The following RALGAPA2 variants were observed in gnomAD, a reference collection of about 807,000 sequenced individuals.
The protein encoded by RALGAPA2 is ral GTPase-activating protein subunit alpha-2.
A neutral mutation model predicts 230.4 loss-of-function variants in RALGAPA2; 139 were observed. That is an observed-to-expected ratio of 0.60 (90% CI 0.53 to 0.69). RALGAPA2 has a LOEUF of 0.69. RALGAPA2 is among the 30% of genes least tolerant of loss of function. The pLI is 0.00. For synonymous variants in RALGAPA2, 847 were observed against 837.8 expected (o/e 1.01, Z -0.19); for missense variants, 2,163 against 2,276.0 (o/e 0.95, Z 1.01).
At chr20:20,597,218 G>T (rs901619201) in intron 16 of RALGAPA2, among the ~76,000 whole-genome samples, 2 of 152,144 alleles carry the variant, frequency 1.3e-5, no homozygotes, top group Admixed American at 1.3e-4. Flanking sequence ...TTTGGGGTGT[G>T]TATTAGCCAA....
At chr20:20,668,238 A>G (rs1467080850) in intron 3 of RALGAPA2, among the ~76,000 whole-genome samples, 1 of 152,116 alleles carries the variant, frequency 6.6e-6, no homozygotes, top group African/African-American at 2.4e-5. Context: ...TCTCATCTCT[A>G]CTAAGAATAC....
intron 18 of RALGAPA2, among the ~76,000 whole-genome samples, chr20:20,588,532 G>A (rs150968578): frequency 6.6e-6 from 1 of 152,296 alleles, no homozygotes; most frequent in East Asian, 1.9e-4. Context: ...CAAGGAAGGA[G>A]TGTAGAAGCC....
chr20:20,517,052 C>T (rs200452270), intron 31 of RALGAPA2, among the ~76,000 whole-genome samples: 1 of 152,148 alleles, frequency 6.6e-6, no homozygotes, highest in East Asian at 1.9e-4. Flanking sequence ...CCACCTTGTC[C>T]ACCACCATAG....
At chr20:20,409,394 C>T (rs2060014749) in intron 38 of RALGAPA2, among the ~76,000 whole-genome samples, 1 of 152,096 alleles carries the variant, frequency 6.6e-6, no homozygotes, top group African/African-American at 2.4e-5. Flanking sequence ...GGTGAGGATA[C>T]AAAGAAAACC....
chr20:20,458,435 TTTATATTAC>T lies in RALGAPA2; in HGVS notation c.5495+14385_5495+14393del, dbSNP rs1448287153. Among the ~76,000 whole-genome samples, 350 of 134,890 alleles carry T rather than the reference TTTATATTAC, an allele frequency of 2.6e-3. 14 individuals are homozygous for T. The highest frequency in any genetic ancestry group is 8.2e-3 in the East Asian group (33 of 4,042). The allele number at this position is 134,890 out of a possible 152,430, so 88.5% of individuals were successfully genotyped here. A position where few individuals can be genotyped will look rare whatever the true frequency, so the allele number is the denominator to read the frequency against. ...TGTTATATATAATATATATGTATTTTTTATATTACATATAATACATATGTATTTTATATA... is the reference window on the plus strand; with the variant it reads ...TGTTATATATAATATATATGTATTTTATATAATACATATGTATTTTATATA... On this transcript the variant is annotated intron_variant, in intron 37 of 39. Coordinates refer to ENST00000202677, the MANE Select transcript of RALGAPA2 (RefSeq NM_020343.4).
At chr20:20,493,521 CTT>C (rs1435142664) in intron 36 of RALGAPA2, among the ~76,000 whole-genome samples, 1 of 152,098 alleles carries the variant, frequency 6.6e-6, no homozygotes, top group Non-Finnish European at 1.5e-5. Context: ...AAAAAAATCA[CTT>C]TTGATTCTAT....
chr20:20,468,340 T>A (rs1422128226), intron 37 of RALGAPA2, among the ~76,000 whole-genome samples: 2 of 152,122 alleles, frequency 1.3e-5, no homozygotes, highest in African/African-American at 4.8e-5. Context: ...ATCCCTCCCA[T>A]CTGGGGGTAT....
At chr20:20,618,426 A>C (rs1038816194) in intron 12 of RALGAPA2, among the ~76,000 whole-genome samples, 1 of 152,218 alleles carries the variant, frequency 6.6e-6, no homozygotes, top group African/African-American at 2.4e-5. Flanking sequence ...TAGGTTTTCA[A>C]TGAAAAGTGA....
chr20:20,433,168 C>T (rs144861710), intron 37 of RALGAPA2, among the ~76,000 whole-genome samples: 1,534 of 152,276 alleles, frequency 0.01, 16 homozygotes, highest in South Asian at 0.052. Context: ...CAATTGTGTG[C>T]CCAAATTATC....
chr20:20,639,701 G>T (rs924979962), intron 7 of RALGAPA2, 84 bp downstream of exon 7: 1 of 944,688 alleles, frequency 1.1e-6, no homozygotes, highest in Non-Finnish European at 1.7e-6. Flanking sequence ...GAAAAATATA[G>T]ATACACAGAG....
intron 14 of RALGAPA2, among the ~76,000 whole-genome samples, chr20:20,610,473 C>T (rs2065945653): frequency 6.6e-6 from 1 of 152,152 alleles, no homozygotes; most frequent in Non-Finnish European, 1.5e-5. Flanking sequence ...GCTCTCTGCT[C>T]GCACCAAAGA....
chr20:20,712,306 A>T lies in RALGAPA2; in HGVS notation c.106+69T>A. The T allele has an allele frequency of 8.2e-7, 1 of 1,220,362 alleles. No homozygotes were observed. 75.6% of individuals were successfully genotyped at this position (1,220,362 alleles called of 1,614,324 possible). A position where few individuals can be genotyped will look rare whatever the true frequency, so the allele number is the denominator to read the frequency against. On this transcript the variant is annotated intron_variant, in intron 1 of 39. Coordinates refer to ENST00000202677, the MANE Select transcript of RALGAPA2 (RefSeq NM_020343.4). The surrounding 1 kb of genome is among the most constrained non-coding windows in gnomAD (Gnocchi z 5.5). Reference sequence around the variant, plus strand: ...GCCTCCCAGCCACCGACCCCTGCACAGAGGAGCGCCCTCCCGGCAGGTGCC... The same window carrying T: ...GCCTCCCAGCCACCGACCCCTGCACTGAGGAGCGCCCTCCCGGCAGGTGCC...
intron 24 of RALGAPA2, among the ~76,000 whole-genome samples, chr20:20,538,550 C>G (rs1049712889): frequency 2.6e-5 from 4 of 152,218 alleles, no homozygotes. Flanking sequence ...AAGCCTTTAA[C>G]ATGTTATTGT....
At chr20:20,505,647 C>T in intron 33 of RALGAPA2, 113 bp from the exon 34 acceptor site, 1 of 893,690 alleles carries the variant, frequency 1.1e-6, no homozygotes, top group South Asian at 2.0e-5. Context: ...TACTGAGAAC[C>T]TGCTAGAGGT....
At chr20:20,440,619 G>T (rs552148105) in intron 37 of RALGAPA2, among the ~76,000 whole-genome samples, 1 of 152,170 alleles carries the variant, frequency 6.6e-6, no homozygotes, top group East Asian at 1.9e-4. Context: ...GAAAGCCCGC[G>T]CTCTGGTTGG....
chr20:20,670,949 CAAAA>C (rs576675004), intron 3 of RALGAPA2, among the ~76,000 whole-genome samples: 1 of 55,886 alleles, frequency 1.8e-5, no homozygotes, highest in Admixed American at 2.0e-4. Flanking sequence ...GACTCCGTCT[CAAAA>C]AAAAAAAAAA....
chr20:20,620,217 C>T (rs1373304519), intron 11 of RALGAPA2, among the ~76,000 whole-genome samples: 1 of 152,162 alleles, frequency 6.6e-6, no homozygotes, highest in East Asian at 1.9e-4. Flanking sequence ...GCAACAGTGA[C>T]CAACAAAGAT....
chr20:20,472,675 G>C, intron 37 of RALGAPA2, 154 bp downstream of exon 37: 2 of 613,360 alleles, frequency 3.3e-6, no homozygotes, highest in South Asian at 8.4e-5. Context: ...ATTAACAAAT[G>C]CTATGAAAAA....
intron 37 of RALGAPA2, among the ~76,000 whole-genome samples, chr20:20,433,491 C>T (rs138743495): frequency 4.5e-4 from 69 of 152,318 alleles, no homozygotes; most frequent in African/African-American, 1.7e-3. Flanking sequence ...TGTGAGAAAA[C>T]AGGAATAAGC....
Sources: allele counts gnomAD v4.1 joint callset (sites outside exome capture counted in the v4.1 genomes callset), GRCh38; gene constraint gnomAD v4.1.1; non-coding constraint Gnocchi (gnomAD v3.1); transcripts MANE v1.5; gene names NCBI Gene and HGNC (gene_info 2026-07-23, HGNC 2026-07-21).